Variants in OAS2 observed in about 807,000 individuals in gnomAD.
The protein encoded by OAS2 is 2'-5'-oligoadenylate synthetase 2.
Under a neutral mutation model 71.3 loss-of-function variants are expected in OAS2, and 67 were observed. That is an observed-to-expected ratio of 0.94 (90% CI 0.77 to 1.15). The LOEUF (loss-of-function observed/expected upper bound fraction) is 1.15. Ranked by LOEUF, OAS2 falls within the 50% of genes most tolerant of loss-of-function variation. OAS2 has a pLI of 0.00. For synonymous variants in OAS2, 327 were observed against 321.8 expected (o/e 1.02, Z -0.17); for missense variants, 789 against 822.5 (o/e 0.96, Z 0.50).
chr12:112,996,604 A>T (rs1422025544), intron 3 of OAS2, among the ~76,000 whole-genome samples: 1 of 152,110 alleles, frequency 6.6e-6, no homozygotes. Flanking sequence ...GGAGCCAAGC[A>T]GGGAGAATTG....
chr12:112,997,732 G>C lies in OAS2; in HGVS notation c.840G>C (p.Leu280=), dbSNP rs2044248746. 1.2e-6 allele frequency: 2 copies of C among 1,602,648 alleles called. No homozygotes were observed. The highest frequency in any genetic ancestry group is 1.7e-6 in the Non-Finnish European group (2 of 1,173,296). Reference sequence around the variant, plus strand: ...AAGATGAGACCATCAGGAACATCCTGCTGCACCAGCTCCAATCAGCGAGGT... The same window carrying C: ...AAGATGAGACCATCAGGAACATCCTCCTGCACCAGCTCCAATCAGCGAGGT... ...NFEDETIRNI[L]LHQLQSARPV... is the part of the protein sequence containing the mutation. Residue 280 remains leucine, a synonymous_variant, in exon 4 of 10, where the codon CTG becomes CTC. Coordinates refer to ENST00000392583, the MANE Select transcript of OAS2 (RefSeq NM_002535.3).
chr12:112,995,663 C>A (rs2044227398), intron 3 of OAS2, among the ~76,000 whole-genome samples, 189 bp downstream of exon 3: 1 of 152,198 alleles, frequency 6.6e-6, no homozygotes, highest in Admixed American at 6.5e-5. Context: ...CATTGTCCCC[C>A]TAGTAATCCT....
At chr12:112,998,511 T>C in intron 5 of OAS2, 101 bp downstream of exon 5, 1 of 1,308,082 alleles carries the variant, frequency 7.6e-7, no homozygotes, top group Middle Eastern at 2.2e-4. Flanking sequence ...TCGTTTCCTG[T>C]ATTGCTGTTA....
chr12:112,978,557 C>T lies in OAS2; in HGVS notation c.-52C>T. 4 of 1,595,536 alleles carry T rather than the reference C, an allele frequency of 2.5e-6. No homozygotes were observed. The highest frequency in any genetic ancestry group is 1.3e-5 in the African/African-American group (1 of 74,554). On this transcript the variant is annotated 5_prime_UTR_variant, in exon 1 of 10. Transcript: ENST00000392583. This position sits in a 1 kb window ranked among gnomAD's most constrained non-coding sequence, Gnocchi z 4.2. The stretch of plus-strand genomic sequence containing the variant: ...TGGCTCTGGGCAGCAGCAAGAATTC[C>T]TCTGCCTCCCATCCTACCATTCACT...
At chr12:112,983,483 CCA>C (rs2044102278) in intron 1 of OAS2, among the ~76,000 whole-genome samples, 1 of 152,154 alleles carries the variant, frequency 6.6e-6, no homozygotes, top group African/African-American at 2.4e-5. Context: ...CCTCAGCCTC[CCA>C]AAGTACTGGA....
Position 112,995,478 on chromosome 12 carries a change from A to AT in OAS2, c.627+8dup. On this transcript the variant is annotated splice_donor_region_variant and intron_variant, in intron 3 of 9. Transcript: ENST00000392583. ...GATAAAGCACTGGCATCAACAGGTA[A>AT]TTTTCCAACTGTCTATATATGGTTA... 1 of 1,610,462 alleles carries AT rather than the reference A, an allele frequency of 6.2e-7. No individual in the cohort carries two copies. Among genetic ancestry groups the AT allele is most frequent in the Non-Finnish European group, 8.5e-7 (1 of 1,178,566 alleles).
rs2044378158 is a variant in OAS2 at position 113,011,201 on chromosome 12, T to C, written c.*1946T>C. Reference sequence around the variant, plus strand: ...GTTGCATATACCAGTTGTGATACAATAAAGAATGTATCTGGATTTTGTGCC... The same window carrying C: ...GTTGCATATACCAGTTGTGATACAACAAAGAATGTATCTGGATTTTGTGCC... On this transcript the variant is annotated 3_prime_UTR_variant, in exon 10 of 10. Coordinates refer to ENST00000392583, the MANE Select transcript of OAS2 (RefSeq NM_002535.3). 1 of 152,214 alleles carries C rather than the reference T, an allele frequency of 6.6e-6. No individual in the cohort carries two copies. Among genetic ancestry groups the C allele is most frequent in the Non-Finnish European group, 1.5e-5 (1 of 68,040 alleles). 9.4% of individuals were successfully genotyped at this position (152,214 alleles called of 1,614,324 possible).
At chr12:112,985,433 A>G (rs954198579) in intron 1 of OAS2, among the ~76,000 whole-genome samples, 5 of 152,184 alleles carry the variant, frequency 3.3e-5, no homozygotes, top group African/African-American at 1.2e-4. Flanking sequence ...GACCTAGTCT[A>G]TTGTTAAAGC....
rs2044370233 is a variant in OAS2, at chr12:113,010,408, T to C, written c.*1153T>C. 1 of 1,613,896 alleles carries C rather than the reference T, an allele frequency of 6.2e-7. No individual in the cohort carries two copies. Among genetic ancestry groups the C allele is most frequent in the Non-Finnish European group, 8.5e-7 (1 of 1,179,948 alleles). The stretch of plus-strand genomic sequence containing the variant: ...ACACCAGGAAGTTGTGGAGCTAGGA[T>C]CCATCCTATTGTCAATGAGATGTTC... On this transcript the variant is annotated 3_prime_UTR_variant, in exon 10 of 10. Coordinates refer to ENST00000392583, the MANE Select transcript of OAS2 (RefSeq NM_002535.3).
intron 3 of OAS2, 35 bp from the exon 4 acceptor site, chr12:112,997,485 C>T (rs761956050): frequency 1.9e-6 from 3 of 1,565,052 alleles, no homozygotes; most frequent in South Asian, 1.1e-5. Flanking sequence ...GAACTAGATC[C>T]CCCAATGAGC....
intron 1 of OAS2, among the ~76,000 whole-genome samples, chr12:112,985,452 G>A (rs1416362416): frequency 6.6e-6 from 1 of 152,088 alleles, no homozygotes; most frequent in Non-Finnish European, 1.5e-5. Context: ...GCAGTGAGTT[G>A]TATTTTTATT....
intron 2 of OAS2, chr12:112,988,749 G>T (rs1044499479): frequency 2.2e-5 from 22 of 984,054 alleles, no homozygotes; most frequent in African/African-American, 3.5e-5. Flanking sequence ...TCTCCTTTCT[G>T]AGGATGCCCT....
intron 2 of OAS2, among the ~76,000 whole-genome samples, chr12:112,990,241 G>C (rs142469999): frequency 3.0e-4 from 45 of 152,322 alleles, no homozygotes; most frequent in African/African-American, 9.4e-4. Context: ...GTGTGCCCCA[G>C]GTGATTAGGT....
At position 113,003,072 on chromosome 12, in the gene OAS2, ACAAT is replaced by A. The variant is rs1156571746; in HGVS notation, c.1153_1156del (p.Ser385GlnfsTer18). On this transcript the variant is annotated frameshift_variant, in exon 6 of 10. Transcript: ENST00000392583. LOFTEE classifies it high-confidence loss of function. ...CATTCCTTAAAGAAAACTGCTTCCG[ACAAT>A]CAACAGCCAAGATCCAGATTGTCCG... The A allele has an allele frequency of 1.2e-6, 2 of 1,614,168 alleles. No individual in the cohort carries two copies. Among genetic ancestry groups the A allele is most frequent in the South Asian group, 2.2e-5 (2 of 91,080 alleles).
intron 5 of OAS2, among the ~76,000 whole-genome samples, chr12:112,999,274 G>C (rs1037109845): frequency 5.3e-5 from 8 of 152,160 alleles, no homozygotes; most frequent in African/African-American, 1.7e-4. Context: ...AAGTAAATCT[G>C]TCAACACAAA....
chr12:112,983,649 T>C (rs2044103934), intron 1 of OAS2, among the ~76,000 whole-genome samples: 1 of 152,232 alleles, frequency 6.6e-6, no homozygotes, highest in South Asian at 2.1e-4. Flanking sequence ...TGGTATGTTG[T>C]GTTTCCATTT....
Position 113,007,942 on chromosome 12 carries a change from A to C in OAS2, c.1894A>C (p.Arg632=). ...TCTACTGAGCCAGTTGCAGAAAACC[A>C]GGTGCCTTCACCCTAGCCCCGTACT... ...KFLLSQLQKT[R]PVILDPAEPT... Residue 632 remains arginine, a splice_region_variant and synonymous_variant, in exon 9 of 10, where the codon AGG becomes CGG. Coordinates refer to ENST00000392583, the MANE Select transcript of OAS2 (RefSeq NM_002535.3). 1 of 1,608,994 alleles carries C rather than the reference A, an allele frequency of 6.2e-7. No individual in the cohort carries two copies. The highest frequency in any genetic ancestry group is 8.5e-7 in the Non-Finnish European group (1 of 1,175,310).
Position 113,005,099 on chromosome 12 carries a change from GAGC to G in OAS2, c.1346_1348del (p.Glu449_Leu450delinsVal). 1.2e-6 allele frequency: 2 copies of G among 1,614,178 alleles called. No individual in the cohort carries two copies. ...AGCCTTTTGGAGGGAGAAGGAGGAG[GAGC>G]TTGAAGTCAGCTTTGAGCCTCCCAA... On this transcript the variant is annotated inframe_deletion, in exon 7 of 10. Coordinates refer to ENST00000392583, the MANE Select transcript of OAS2 (RefSeq NM_002535.3).
Position 113,009,504 on chromosome 12 carries a change from A to G in OAS2, c.*249A>G. The G allele has an allele frequency of 8.4e-7, 1 of 1,186,978 alleles. No homozygotes were observed. Among genetic ancestry groups the G allele is most frequent in the Non-Finnish European group, 1.0e-6 (1 of 958,784 alleles). The allele number at this position is 1,186,978 out of a possible 1,614,324, so 73.5% of individuals were successfully genotyped here. A position where few individuals can be genotyped will look rare whatever the true frequency, so the allele number is the denominator to read the frequency against. On this transcript the variant is annotated 3_prime_UTR_variant, in exon 10 of 10. Coordinates refer to ENST00000392583, the MANE Select transcript of OAS2 (RefSeq NM_002535.3). ...TAGATGCCACTAGCCCTCCTCTCCC[A>G]GTGACAACCAAAAGTCTTCAGACAT...
Sources: allele counts gnomAD v4.1 joint callset (sites outside exome capture counted in the v4.1 genomes callset), GRCh38; gene constraint gnomAD v4.1.1; non-coding constraint Gnocchi (gnomAD v3.1); transcripts MANE v1.5; gene names NCBI Gene and HGNC (gene_info 2026-07-23, HGNC 2026-07-21).